CEP295: variants seen among roughly 807,000 people sequenced by gnomAD.
The protein encoded by CEP295 is centrosomal protein 295.
In CEP295, 190 loss-of-function variants were observed where a neutral mutation model predicts 291.6. The ratio of observed to expected loss-of-function variants is 0.65; its 90% CI spans 0.58 to 0.73. The LOEUF is 0.73. Among genes scored for constraint, CEP295 ranks in the 30% least tolerant of loss-of-function variants. The probability of loss-of-function intolerance (pLI) is 0.00; values close to 1 mark genes in which losing one functional copy is unlikely to be tolerated. For synonymous variants in CEP295, 993 were observed against 1,038.8 expected (o/e 0.96, Z 0.85); for missense variants, 2,863 against 2,949.4 (o/e 0.97, Z 0.68).
chr11:93,721,533 A>G (rs562402509), intron 19 of CEP295, 121 bp downstream of exon 19: 12 of 797,142 alleles, frequency 1.5e-5, no homozygotes, highest in South Asian at 1.3e-4. Flanking sequence ...ATCTGCTTTT[A>G]GTGAAGTGGA....
intron 18 of CEP295, among the ~76,000 whole-genome samples, chr11:93,713,445 A>C (rs893993165): frequency 1.3e-5 from 2 of 152,180 alleles, no homozygotes; most frequent in Non-Finnish European, 2.9e-5. Context: ...TTTACTTTTG[A>C]AGGATATTTT....
At chr11:93,722,191 A>G in intron 20 of CEP295, 141 bp downstream of exon 20, 1 of 633,800 alleles carries the variant, frequency 1.6e-6, no homozygotes, top group African/African-American at 1.8e-5. Flanking sequence ...AAGTATGGCC[A>G]GGCGTGGTGC....
Position 93,699,082 on chromosome 11 carries a change from G to A in CEP295, c.4170G>A (p.Glu1390=), listed in dbSNP as rs771516893. The A allele has an allele frequency of 2.3e-5, 35 of 1,546,838 alleles. No individual in the cohort carries two copies. The highest frequency in any genetic ancestry group is 1.7e-4 in the Middle Eastern group (1 of 6,020). The change falls in exon 15 of 30, where the codon GAG becomes GAA. Residue 1390 remains glutamate, a synonymous_variant. Coordinates refer to ENST00000325212, the MANE Select transcript of CEP295 (RefSeq NM_033395.2). ...QSEWEGRISP[E]QVDTSSLPLV... is the part of the protein sequence containing the mutation. ...AATGGGAGGGAAGAATATCTCCCGA[G>A]CAGGTTGACACCTCTTCCTTACCCC...
At chr11:93,663,927 A>C (rs1234756794) in intron 1 of CEP295, among the ~76,000 whole-genome samples, 17 of 152,188 alleles carry the variant, frequency 1.1e-4, no homozygotes, top group Admixed American at 1.1e-3. Context: ...CATACAGATC[A>C]AAATATATAA....
In CEP295 at chr11:93,729,767, A is replaced by G. The variant is rs1476976164; in HGVS notation, c.7553A>G (p.Glu2518Gly). 2 of 1,546,056 alleles carry G rather than the reference A, an allele frequency of 1.3e-6. No individual in the cohort carries two copies. Among genetic ancestry groups the G allele is most frequent in the Non-Finnish European group, 1.7e-6 (2 of 1,144,168 alleles). Residue 2518 changes from glutamate (E) to glycine (G), a missense_variant, in exon 27 of 30, where the codon GAG (glutamate) becomes GGG (glycine). Glu to Gly is a moderately conservative substitution (Grantham distance 98). This residue lies in a region of CEP295 where 2,295 missense variants were observed against 2,335.7 expected (regional missense o/e 0.98). Transcript: ENST00000325212. ...AATTCTCAAATCAAAACAGTTAAAGAGAAACCATCTATAAGTATGTTGAAT... is the reference window on the plus strand; with the variant it reads ...AATTCTCAAATCAAAACAGTTAAAGGGAAACCATCTATAAGTATGTTGAAT... The part of the protein sequence containing the change: ...SENSQIKTVK[E>G]KPSISSSVSR...
chr11:93,696,495 TC>T (rs1209783146), intron 14 of CEP295, 78 bp downstream of exon 14: 1 of 1,109,946 alleles, frequency 9.0e-7, no homozygotes, highest in Non-Finnish European at 1.3e-6. Context: ...TATATGAGGA[TC>T]TAATTTGGAT....
chr11:93,667,657 A>G lies in CEP295; in HGVS notation c.159A>G (p.Lys53=). 1.9e-6 allele frequency: 3 copies of G among 1,551,568 alleles called. No homozygotes were observed. The Admixed American group carries it at 5.9e-5, about 30-fold the overall frequency. ...DIALQIREDI[K]QRRNQQFTRL... ...CCTTACAGATAAGAGAAGACATAAA[A>G]CAGAGGAGAAATCAACAATTTACAC... is the stretch of plus-strand genomic sequence containing the variant. The change falls in exon 3 of 30, where the codon AAA becomes AAG. Residue 53 remains lysine, a synonymous_variant. Coordinates refer to ENST00000325212, the MANE Select transcript of CEP295 (RefSeq NM_033395.2).
intron 8 of CEP295, 58 bp downstream of exon 8, chr11:93,683,800 A>G: frequency 6.8e-7 from 1 of 1,480,738 alleles, no homozygotes; most frequent in South Asian, 1.3e-5. Flanking sequence ...GTGGGAAAAT[A>G]TGTTTGTAAT....
Position 93,679,506 on chromosome 11 carries a change from C to A in CEP295, c.719C>A (p.Ala240Glu). 6.4e-7 allele frequency: 1 copy of A among 1,551,432 alleles called. No individual in the cohort carries two copies. Among genetic ancestry groups the A allele is most frequent in the Non-Finnish European group, 8.7e-7 (1 of 1,146,836 alleles). The change falls in exon 7 of 30, where the codon GCA (alanine) becomes GAA (glutamate). Residue 240 changes from alanine (A) to glutamate (E), a missense_variant. Physicochemically the swap from Ala to Glu is moderately radical, Grantham distance 107 (BLOSUM62 -1). Coordinates refer to ENST00000325212, the MANE Select transcript of CEP295 (RefSeq NM_033395.2). ...AQERMERFEK[A>E]HVRGFQAMKK... Reference sequence around the variant, plus strand: ...GAGAGAATGGAACGGTTTGAAAAGGCACATGTACGGGGATTCCAAGCAATG... The same window carrying A: ...GAGAGAATGGAACGGTTTGAAAAGGAACATGTACGGGGATTCCAAGCAATG...
rs959999466 is a variant in CEP295, at chr11:93,697,100, T to G, written c.2188T>G (p.Ser730Ala). 1.4e-5 allele frequency: 21 copies of G among 1,551,576 alleles called. No homozygotes were observed. In the East Asian group the frequency reaches 4.4e-4, roughly 32 times the overall value. The change falls in exon 15 of 30, where the codon TCT (serine) becomes GCT (alanine). Residue 730 changes from serine to alanine, a missense_variant. Ser to Ala is a moderately conservative substitution (Grantham distance 99). Around this residue, in one of 3 missense-constraint regions of CEP295, gnomAD observed 2,295 missense variants for 2,335.7 expected, o/e 0.98. Coordinates refer to ENST00000325212, the MANE Select transcript of CEP295 (RefSeq NM_033395.2). The stretch of plus-strand genomic sequence containing the variant: ...AGACTATAAATTGGTCCCCAAAGAT[T>G]CTGAGACACTTTCAAGGGCTTTGTC... ...QRDYKLVPKD[S>A]ETLSRALSHD...
At chr11:93,723,714 G>C (rs1374378705) in intron 21 of CEP295, 4 of 159,620 alleles carry the variant, frequency 2.5e-5, no homozygotes, top group African/African-American at 9.6e-5. Context: ...AAAGCACAAT[G>C]TCTGGCCCAT....
At chr11:93,704,363 C>T (rs1017937016) in intron 17 of CEP295, among the ~76,000 whole-genome samples, 1 of 152,244 alleles carries the variant, frequency 6.6e-6, no homozygotes, top group East Asian at 1.9e-4. Context: ...CAATGACTCA[C>T]ACCTGTAATC....
At chr11:93,722,104 T>C in intron 20 of CEP295, 54 bp downstream of exon 20, 1 of 980,766 alleles carries the variant, frequency 1.0e-6, no homozygotes, top group East Asian at 2.6e-5. Flanking sequence ...CCAGTTGAGT[T>C]GCAATACAGT....
chr11:93,691,042 C>T (rs903001713), intron 10 of CEP295, among the ~76,000 whole-genome samples: 1 of 152,172 alleles, frequency 6.6e-6, no homozygotes. Context: ...TATTGTATAA[C>T]CCTTCACTTT....
At chr11:93,691,447 A>G (rs1421603243) in intron 10 of CEP295, among the ~76,000 whole-genome samples, 1 of 152,160 alleles carries the variant, frequency 6.6e-6, no homozygotes, top group Non-Finnish European at 1.5e-5. Context: ...CTATCAGCGT[A>G]TCTATTAAAT....
intron 25 of CEP295, 27 bp from the exon 26 acceptor site, chr11:93,729,401 AAAGAGT>A (rs1288322433): frequency 4.1e-5 from 59 of 1,447,776 alleles, no homozygotes; most frequent in Non-Finnish European, 5.4e-5. Flanking sequence ...AAGCGTTTAA[AAAGAGT>A]AAAACATGCA....
chr11:93,702,052 A>G (rs186465534), intron 15 of CEP295, among the ~76,000 whole-genome samples: 52 of 148,300 alleles, frequency 3.5e-4, no homozygotes, highest in African/African-American at 1.2e-3. Context: ...TCTGCCTTCC[A>G]GGTTCAAGTG....
In CEP295 at chr11:93,669,790, G is replaced by A; in HGVS notation, c.528+20G>A. The stretch of plus-strand genomic sequence containing the variant: ...TTTGAGGTGAGTTTGAGTATTAAGA[G>A]GAACTAGGTCATAATTCTTCTTTAC... On this transcript the variant is annotated intron_variant, in intron 5 of 29. Coordinates refer to ENST00000325212, the MANE Select transcript of CEP295 (RefSeq NM_033395.2). The A allele has an allele frequency of 6.9e-7, 1 of 1,439,638 alleles. No homozygotes were observed. The highest frequency in any genetic ancestry group is 9.6e-7 in the Non-Finnish European group (1 of 1,046,734). 89.2% of individuals were successfully genotyped at this position (1,439,638 alleles called of 1,614,324 possible).
Position 93,691,749 on chromosome 11 carries a change from G to T in CEP295, c.1403G>T (p.Cys468Phe). The T allele has an allele frequency of 6.5e-7, 1 of 1,546,408 alleles. No individual in the cohort carries two copies. Among genetic ancestry groups the T allele is most frequent in the Non-Finnish European group, 8.7e-7 (1 of 1,144,850 alleles). ...GCTAGTGAAGATAAACCACTTTCGTGTGGTACAAACTCTGGAAAAGAACAA... is the reference window on the plus strand; with the variant it reads ...GCTAGTGAAGATAAACCACTTTCGTTTGGTACAAACTCTGGAAAAGAACAA... ...PLASEDKPLS[C>F]GTNSGKEQEI... The change falls in exon 11 of 30, where the codon TGT (cysteine) becomes TTT (phenylalanine). Residue 468 changes from cysteine to phenylalanine, a missense_variant. Cys to Phe is a radical substitution (Grantham distance 205, BLOSUM62 -2). Around this residue, in one of 3 missense-constraint regions of CEP295, gnomAD observed 554 missense variants for 576.0 expected, o/e 0.96. Transcript: ENST00000325212.
Sources: allele counts gnomAD v4.1 joint callset (sites outside exome capture counted in the v4.1 genomes callset), GRCh38; gene constraint gnomAD v4.1.1; regional missense constraint gnomAD v4.1.1; transcripts MANE v1.5; gene names NCBI Gene and HGNC (gene_info 2026-07-23, HGNC 2026-07-21).